Variants in RORA observed in about 807,000 individuals in gnomAD.
RORA encodes RAR related orphan receptor A, also known as nuclear receptor ROR-alpha.
RORA carries 7 observed loss-of-function variants against 69.5 expected under a neutral mutation model. That is an observed-to-expected ratio of 0.10 (90% confidence interval 0.06 to 0.19). RORA has a LOEUF of 0.19. Ranked by LOEUF, RORA falls within the 10% of genes least tolerant of loss-of-function variation. The probability of loss-of-function intolerance (pLI) is 1.00; values close to 1 mark genes in which losing one functional copy is unlikely to be tolerated. For synonymous variants in RORA, 261 were observed against 240.8 expected (o/e 1.08, Z -0.78); for missense variants, 457 against 663.0 (o/e 0.69, Z 3.41).
At chr15:60,717,796 C>CTTTTTTTTTT (rs10653856) in intron 1 of RORA, among the ~76,000 whole-genome samples, 19 of 91,984 alleles carry the variant, frequency 2.1e-4, no homozygotes, top group Admixed American at 4.0e-4. Flanking sequence ...TTCTTTTTCT[C>CTTTTTTTTTT]TTTTTTTTTT....
At chr15:60,605,458 C>T (rs536649613) in intron 2 of RORA, among the ~76,000 whole-genome samples, 9 of 152,208 alleles carry the variant, frequency 5.9e-5, no homozygotes, top group Non-Finnish European at 7.4e-5. Context: ...TCAATCTTCC[C>T]GCATACAACT....
In RORA at chr15:60,491,199, TAATC is replaced by T. The variant is rs1001495931; in HGVS notation, c.*6252_*6255del. 6.6e-6 allele frequency: 1 copy of T among 152,186 alleles called. No individual in the cohort carries two copies. The highest frequency in any genetic ancestry group is 6.5e-5 in the Admixed American group (1 of 15,290). 9.4% of individuals were successfully genotyped at this position (152,186 alleles called of 1,614,324 possible). On this transcript the variant is annotated 3_prime_UTR_variant, in exon 11 of 11. Coordinates refer to ENST00000335670, the MANE Select transcript of RORA (RefSeq NM_134261.3). Reference sequence around the variant, plus strand: ...TTTACATATGCAATCTGTTCAGTGATAATCAAGTTCCTAGAAATAGTATTCATCC... The same window carrying T: ...TTTACATATGCAATCTGTTCAGTGATAAGTTCCTAGAAATAGTATTCATCC...
At chr15:60,741,949 C>A (rs1399296859) in intron 1 of RORA, among the ~76,000 whole-genome samples, 2 of 152,148 alleles carry the variant, frequency 1.3e-5, no homozygotes, top group Non-Finnish European at 2.9e-5. Flanking sequence ...CTCTGGACAG[C>A]GCCTGCGAGT....
intron 1 of RORA, among the ~76,000 whole-genome samples, chr15:61,134,654 C>T (rs1254693425): frequency 6.6e-6 from 1 of 152,158 alleles, no homozygotes; most frequent in Admixed American, 6.5e-5. Context: ...CACAAATGTG[C>T]TTATAAAATC....
chr15:60,952,249 G>A lies in RORA; in HGVS notation c.167-273563C>T, dbSNP rs1282259319. Among the ~76,000 whole-genome samples, 4 of 152,096 alleles carry A rather than the reference G, an allele frequency of 2.6e-5. No individual in the cohort carries two copies. The South Asian group carries it at 8.3e-4, about 32-fold the overall frequency. ...TTGACAAAATTCAACAACGCTTCAG[G>A]CTAAAAACTCTCAATAAATTAGGTA... On this transcript the variant is annotated intron_variant, in intron 1 of 10. Coordinates refer to ENST00000335670, the MANE Select transcript of RORA (RefSeq NM_134261.3).
At chr15:60,707,434 G>A (rs2071079734) in intron 1 of RORA, among the ~76,000 whole-genome samples, 1 of 151,500 alleles carries the variant, frequency 6.6e-6, no homozygotes, top group Non-Finnish European at 1.5e-5. Context: ...CGTGATCTCG[G>A]CTCACTGCAA....
At chr15:60,977,790 T>C (rs72752800) in intron 1 of RORA, among the ~76,000 whole-genome samples, 45,280 of 152,134 alleles carry the variant, frequency 0.3, 7,699 homozygotes, top group East Asian at 0.59. Context: ...GTATCAGTAT[T>C]CCCCTCCTTT....
chr15:60,592,327 C>G (rs2068549246), intron 2 of RORA: 2 of 1,262,784 alleles, frequency 1.6e-6, no homozygotes, highest in Non-Finnish European at 1.0e-6. Context: ...CCTGCGCGCC[C>G]TCCTCCCCGC....
chr15:60,939,041 G>A (rs1892610240), intron 1 of RORA, among the ~76,000 whole-genome samples: 1 of 152,150 alleles, frequency 6.6e-6, no homozygotes, highest in Non-Finnish European at 1.5e-5. Flanking sequence ...ATTGCTCGTT[G>A]GTCCATTTCA....
intron 2 of RORA, among the ~76,000 whole-genome samples, chr15:60,544,122 C>T (rs537061371): frequency 6.6e-6 from 1 of 152,260 alleles, no homozygotes; most frequent in South Asian, 2.1e-4. Context: ...ATGCCTGTAA[C>T]GCTTTGTGAC....
chr15:61,132,253 T>C (rs2079196313), intron 1 of RORA, among the ~76,000 whole-genome samples: 2 of 152,180 alleles, frequency 1.3e-5, no homozygotes, highest in Admixed American at 6.5e-5. Context: ...TGCTAGCATA[T>C]ATACATGTCA....
At chr15:60,776,164 A>G (rs9783691) in intron 1 of RORA, among the ~76,000 whole-genome samples, 2,385 of 152,184 alleles carry the variant, frequency 0.016, 65 homozygotes, top group African/African-American at 0.056. Flanking sequence ...CCAGCTTGAG[A>G]TGAAGGCACT....
At chr15:60,836,392 T>C (rs2073115792) in intron 1 of RORA, among the ~76,000 whole-genome samples, 1 of 152,274 alleles carries the variant, frequency 6.6e-6, no homozygotes, top group Admixed American at 6.5e-5. Flanking sequence ...TGGTTGTCCT[T>C]GAATTTCTCG....
At chr15:60,807,282 A>G (rs2072673170) in intron 1 of RORA, among the ~76,000 whole-genome samples, 1 of 152,200 alleles carries the variant, frequency 6.6e-6, no homozygotes, top group Admixed American at 6.5e-5. Flanking sequence ...CCAAGCTGAG[A>G]ATCAAATCAA....
At chr15:60,891,892 G>C (rs1344241792) in intron 1 of RORA, among the ~76,000 whole-genome samples, 5 of 152,116 alleles carry the variant, frequency 3.3e-5, no homozygotes, top group Non-Finnish European at 5.9e-5. Context: ...TGCCTTCGTG[G>C]CTTCCCAAAC....
At chr15:61,183,245 A>T (rs938682266) in intron 1 of RORA, among the ~76,000 whole-genome samples, 5 of 152,224 alleles carry the variant, frequency 3.3e-5, no homozygotes, top group Non-Finnish European at 7.3e-5. Context: ...TCAATTTTTT[A>T]AAAAATGTGG....
chr15:60,951,949 C>T (rs1207093123), intron 1 of RORA, among the ~76,000 whole-genome samples: 1 of 149,952 alleles, frequency 6.7e-6, no homozygotes, highest in East Asian at 1.9e-4. Flanking sequence ...ATGAGGCCAG[C>T]ATCATTCTGA....
chr15:60,644,959 A>G (rs1390542736), intron 2 of RORA, among the ~76,000 whole-genome samples: 3 of 152,198 alleles, frequency 2.0e-5, no homozygotes, highest in Admixed American at 6.5e-5. Context: ...GGAAAAGGCA[A>G]TCCTCCTCAA....
At chr15:61,196,872 C>T (rs1485147842) in intron 1 of RORA, among the ~76,000 whole-genome samples, 1 of 152,186 alleles carries the variant, frequency 6.6e-6, no homozygotes, top group African/African-American at 2.4e-5. Flanking sequence ...CTTTGAGCAC[C>T]GTGTTTGGAT....
Sources: allele counts gnomAD v4.1 joint callset (sites outside exome capture counted in the v4.1 genomes callset), GRCh38; gene constraint gnomAD v4.1.1; transcripts MANE v1.5; gene names NCBI Gene and HGNC (gene_info 2026-07-23, HGNC 2026-07-21).